Variants in GYPB observed in about 807,000 individuals in gnomAD.
The protein encoded by GYPB is glycophorin-B.
A neutral mutation model predicts 15.3 loss-of-function variants in GYPB; 13 were observed. The observed-to-expected ratio is 0.85, with a 90% CI of 0.55 to 1.35. The LOEUF is 1.35. GYPB is among the 40% of genes most tolerant of loss of function. The pLI is 0.00. For synonymous variants in GYPB, 38 were observed against 36.9 expected (o/e 1.03, Z -0.11); for missense variants, 131 against 108.3 (o/e 1.21, Z -0.93).
downstream of GYPB, among the ~76,000 whole-genome samples, chr4:143,995,478 C>T (rs540012757): frequency 5.3e-5 from 8 of 151,324 alleles, no homozygotes; most frequent in South Asian, 2.1e-4. Flanking sequence ...GAAGAGGAAA[C>T]GTGCTGCACA....
At chr4:144,004,209 CAT>C (rs555566867) in intron 1 of GYPB, among the ~76,000 whole-genome samples, 28 of 151,846 alleles carry the variant, frequency 1.8e-4, no homozygotes, top group Non-Finnish European at 3.5e-4. Flanking sequence ...AGAAAATAAA[CAT>C]ATAAATGCCC....
intron 1 of GYPB, among the ~76,000 whole-genome samples, chr4:144,004,754 C>A (rs1191057175): frequency 2.0e-5 from 3 of 151,838 alleles, no homozygotes; most frequent in Non-Finnish European, 2.9e-5. Flanking sequence ...TTGATAACAA[C>A]AGCTCACACA....
chr4:143,996,717 C>T lies in GYPB; in HGVS notation c.271-413G>A, dbSNP rs556308991. 6.0e-5 allele frequency among the ~76,000 whole-genome samples: 9 copies of T among 150,678 alleles called. No individual in the cohort carries two copies. The South Asian group carries it at 1.9e-3, about 31-fold the overall frequency. ...CCAGGGAGGCAGAGGCTGCAGTGAG[C>T]AGAGATTGCGCCACTTTGCACTCGA... On this transcript the variant is annotated intron_variant, in intron 4 of 4. Transcript: ENST00000502664.
intron 1 of GYPB, among the ~76,000 whole-genome samples, chr4:144,008,043 T>G (rs1728015980): frequency 6.6e-6 from 1 of 151,630 alleles, no homozygotes; most frequent in East Asian, 1.9e-4. Flanking sequence ...CTTACTTCAT[T>G]CCACACATCT....
chr4:144,006,920 G>A (rs1415928289), intron 1 of GYPB, among the ~76,000 whole-genome samples: 1 of 151,138 alleles, frequency 6.6e-6, no homozygotes, highest in Non-Finnish European at 1.5e-5. Flanking sequence ...GTCTTGGACA[G>A]AATTAACGTA....
chr4:144,007,717 A>C (rs561203613), intron 1 of GYPB, among the ~76,000 whole-genome samples: 1 of 151,678 alleles, frequency 6.6e-6, no homozygotes, highest in South Asian at 2.1e-4. Flanking sequence ...GGATCTGTGA[A>C]AGTCTCTGAA....
At chr4:144,004,875 G>A (rs1727815654) in intron 1 of GYPB, among the ~76,000 whole-genome samples, 1 of 151,682 alleles carries the variant, frequency 6.6e-6, no homozygotes, top group South Asian at 2.1e-4. Context: ...TTTTTGAATA[G>A]GACTTTTTAC....
intron 1 of GYPB, among the ~76,000 whole-genome samples, chr4:144,010,312 C>A (rs1401667966): frequency 6.6e-6 from 1 of 151,004 alleles, no homozygotes; most frequent in Non-Finnish European, 1.5e-5. Flanking sequence ...AATTAAATAA[C>A]AAAAAAATTA....
chr4:144,019,331 A>C lies in GYPB; in HGVS notation c.-44T>G. ...TTCCTGAAGTTAGTGCAAAAAAACT[A>C]CCAAAGACAACTGCAAGTGTCAGTG... is the stretch of plus-strand genomic sequence containing the variant. On this transcript the variant is annotated 5_prime_UTR_variant, in exon 1 of 5. Transcript: ENST00000502664. The C allele has an allele frequency of 6.2e-7, 1 of 1,611,610 alleles. No homozygotes were observed. The highest frequency in any genetic ancestry group is 8.5e-7 in the Non-Finnish European group (1 of 1,179,272).
intron 2 of GYPB, 125 bp downstream of exon 2, chr4:144,001,060 G>A (rs560107184): frequency 6.7e-7 from 1 of 1,490,656 alleles, no homozygotes; most frequent in South Asian, 1.2e-5. Flanking sequence ...TTAGTAGGCT[G>A]TGTCTACTTA....
At position 144,019,343 on chromosome 4, in the gene GYPB, T is replaced by G; in HGVS notation, c.-56A>C. ...GTGCAAAAAAACTACCAAAGACAAC[T>G]GCAAGTGTCAGTGTCTGGCCTTAGC... On this transcript the variant is annotated 5_prime_UTR_variant, in exon 1 of 5. Coordinates refer to ENST00000502664, the MANE Select transcript of GYPB (RefSeq NM_002100.6). 6.2e-7 allele frequency: 1 copy of G among 1,611,430 alleles called. No individual in the cohort carries two copies. Among genetic ancestry groups the G allele is most frequent in the Non-Finnish European group, 8.5e-7 (1 of 1,179,218 alleles).
At chr4:144,004,259 T>A (rs1419461848) in intron 1 of GYPB, among the ~76,000 whole-genome samples, 1 of 151,926 alleles carries the variant, frequency 6.6e-6, no homozygotes, top group Non-Finnish European at 1.5e-5. Context: ...TTATATCATT[T>A]CCTCAACAAT....
At chr4:144,010,808 C>A (rs1235274087) in intron 1 of GYPB, among the ~76,000 whole-genome samples, 1 of 151,280 alleles carries the variant, frequency 6.6e-6, no homozygotes, top group Non-Finnish European at 1.5e-5. Flanking sequence ...TCTATGTGTG[C>A]TGCACCACTA....
At position 144,011,165 on chromosome 4, in the gene GYPB, G is replaced by C. The variant is rs1352672233; in HGVS notation, c.37+8086C>G. Among the ~76,000 whole-genome samples the C allele has an allele frequency of 5.7e-4, 7 of 12,316 alleles. No individual in the cohort carries two copies. In the Admixed American group the frequency reaches 0.011, roughly 20 times the overall value. 8.1% of individuals were successfully genotyped at this position (12,316 alleles called of 152,430 possible). A position where few individuals can be genotyped will look rare whatever the true frequency, so the allele number is the denominator to read the frequency against. ...GGAGGCTGAGGCAGGTGGATTGCCT[G>C]AGCTCAGAGTTGGAGACCAGCCTGG... On this transcript the variant is annotated intron_variant, in intron 1 of 4. Coordinates refer to ENST00000502664, the MANE Select transcript of GYPB (RefSeq NM_002100.6).
chr4:143,997,656 T>TA (rs1560703192), intron 3 of GYPB, 22 bp from the exon 4 acceptor site: 3 of 1,185,460 alleles, frequency 2.5e-6, no homozygotes, highest in Middle Eastern at 1.9e-4. Context: ...AGCAAAATTA[T>TA]GAAAGTCTGA....
chr4:144,010,312 C>CA (rs1211887504), intron 1 of GYPB, among the ~76,000 whole-genome samples: 1 of 151,006 alleles, frequency 6.6e-6, no homozygotes, highest in Admixed American at 6.6e-5. Context: ...AATTAAATAA[C>CA]AAAAAAATTA....
At chr4:144,017,549 A>C (rs1160530103) in intron 1 of GYPB, among the ~76,000 whole-genome samples, 2 of 150,972 alleles carry the variant, frequency 1.3e-5, no homozygotes, top group Non-Finnish European at 2.9e-5. Flanking sequence ...ATCTTGCCCC[A>C]GTGACCTCTT....
At chr4:144,008,150 A>C (rs1169845946) in intron 1 of GYPB, among the ~76,000 whole-genome samples, 2 of 151,624 alleles carry the variant, frequency 1.3e-5, no homozygotes, top group Non-Finnish European at 2.9e-5. Flanking sequence ...ACATTGCCTG[A>C]CTTGCTTAAG....
chr4:144,018,474 G>A (rs1728618120), intron 1 of GYPB, among the ~76,000 whole-genome samples: 1 of 151,202 alleles, frequency 6.6e-6, no homozygotes, highest in Non-Finnish European at 1.5e-5. Flanking sequence ...TCAAGCAACT[G>A]CCTGCCCCCT....
Sources: gnomAD v4.1 joint callset for allele counts (sites outside exome capture counted in the v4.1 genomes callset) on GRCh38, gnomAD v4.1.1 for gene constraint, MANE v1.5 for transcripts, NCBI Gene and HGNC (gene_info 2026-07-23, HGNC 2026-07-21) for gene names.